ZBTB7C: variants seen among roughly 807,000 people sequenced by gnomAD.
ZBTB7C encodes zinc finger and BTB domain containing 7C, also known as zinc finger and BTB domain-containing protein 7C.
A neutral mutation model predicts 25.7 loss-of-function variants in ZBTB7C; 8 were observed. The ratio of observed to expected loss-of-function variants is 0.31; its 90% CI spans 0.18 to 0.56. The LOEUF (loss-of-function observed/expected upper bound fraction) is 0.56. ZBTB7C is among the 20% of genes least tolerant of loss of function. ZBTB7C has a pLI of 0.91. For missense variants in ZBTB7C, 824 were observed against 855.2 expected (o/e 0.96, Z 0.46); for synonymous variants, 394 against 369.0 (o/e 1.07, Z -0.78).
chr18:48,405,242 T>A (rs1288621975), intron 1 of ZBTB7C, among the ~76,000 whole-genome samples: 1 of 151,398 alleles, frequency 6.6e-6, no homozygotes, highest in African/African-American at 2.4e-5. Flanking sequence ...GTTTGAGGAG[T>A]GGGTGGGTTA....
chr18:48,029,359 G>T lies in ZBTB7C; in HGVS notation c.1761C>A (p.Pro587=). The T allele has an allele frequency of 6.5e-7, 1 of 1,545,534 alleles. No homozygotes were observed. Among genetic ancestry groups the T allele is most frequent in the Non-Finnish European group, 8.7e-7 (1 of 1,149,998 alleles). ...ALAENVAAAR[P]YFPLPDPWAA... ...CCCAAGGGTCGGGCAGCGGGAAGTA[G>T]GGCCGCGCCGCCGCCACGTTCTCGG... Residue 587 remains proline, a synonymous_variant, in exon 5 of 5, where the codon CCC becomes CCA. Coordinates refer to ENST00000590800, the MANE Select transcript of ZBTB7C (RefSeq NM_001318841.2).
intron 3 of ZBTB7C, among the ~76,000 whole-genome samples, chr18:48,092,450 T>G (rs2038455132): frequency 6.6e-6 from 1 of 152,190 alleles, no homozygotes; most frequent in Non-Finnish European, 1.5e-5. Flanking sequence ...GAAAGCAAGT[T>G]GAAGTTTTCA....
chr18:48,284,272 T>A (rs144477885), intron 2 of ZBTB7C, among the ~76,000 whole-genome samples: 39 of 152,122 alleles, frequency 2.6e-4, no homozygotes, highest in Non-Finnish European at 4.6e-4. Context: ...ATAGATCTTG[T>A]CTCTACAAAA....
At chr18:48,102,573 A>G (rs2038870722) in intron 3 of ZBTB7C, among the ~76,000 whole-genome samples, 1 of 151,738 alleles carries the variant, frequency 6.6e-6, no homozygotes, top group South Asian at 2.1e-4. Context: ...TCAAAAAAAA[A>G]AAAAAAAAAA....
At chr18:48,111,766 C>T (rs557096400) in intron 3 of ZBTB7C, among the ~76,000 whole-genome samples, 1 of 152,256 alleles carries the variant, frequency 6.6e-6, no homozygotes, top group Admixed American at 6.5e-5. Context: ...ACCAAAACAT[C>T]TATATATCTT....
chr18:48,189,319 A>G (rs896462510), intron 2 of ZBTB7C, among the ~76,000 whole-genome samples: 1 of 152,222 alleles, frequency 6.6e-6, no homozygotes, highest in African/African-American at 2.4e-5. Context: ...AGCTTCTCCA[A>G]GTGAGAGTGA....
At chr18:48,241,384 CA>C (rs1484146201) in intron 2 of ZBTB7C, among the ~76,000 whole-genome samples, 1 of 152,130 alleles carries the variant, frequency 6.6e-6, no homozygotes, top group African/African-American at 2.4e-5. Context: ...ACGCTCTACC[CA>C]ACAACTGCAG....
At chr18:48,044,879 A>G (rs1478544955) in intron 3 of ZBTB7C, among the ~76,000 whole-genome samples, 1 of 152,242 alleles carries the variant, frequency 6.6e-6, no homozygotes. Flanking sequence ...TCCTATTGTT[A>G]CCATCGTTCC....
chr18:48,161,664 C>T (rs1446998371), intron 3 of ZBTB7C, among the ~76,000 whole-genome samples: 1 of 150,608 alleles, frequency 6.6e-6, no homozygotes, highest in Non-Finnish European at 1.5e-5. Flanking sequence ...CTGCCCGCAG[C>T]CCCCTTCCTG....
intron 3 of ZBTB7C, among the ~76,000 whole-genome samples, chr18:48,125,771 AGGGCAGGAACCCTGCCT>A (rs1458918245): frequency 6.6e-6 from 1 of 152,200 alleles, no homozygotes; most frequent in Non-Finnish European, 1.5e-5. Flanking sequence ...AAGGTGATCC[AGGGCAGGAACCCTGCCT>A]GGGCAGCCCC....
At chr18:48,121,397 CTCT>C (rs1046926694) in intron 3 of ZBTB7C, among the ~76,000 whole-genome samples, 27 of 93,338 alleles carry the variant, frequency 2.9e-4, no homozygotes, top group Admixed American at 7.3e-4. Flanking sequence ...TGGCTTAATA[CTCT>C]TTTTTTTTTT....
chr18:48,246,359 G>A (rs1355727622), intron 2 of ZBTB7C, among the ~76,000 whole-genome samples: 1 of 151,944 alleles, frequency 6.6e-6, no homozygotes, highest in Admixed American at 6.5e-5. Context: ...GGACCCGGGA[G>A]GCGGAGCTTG....
intron 1 of ZBTB7C, among the ~76,000 whole-genome samples, chr18:48,386,287 G>C (rs891038805): frequency 6.6e-6 from 1 of 152,226 alleles, no homozygotes; most frequent in African/African-American, 2.4e-5. Context: ...GCTAGATGCT[G>C]AAAGGCAGAA....
intron 2 of ZBTB7C, among the ~76,000 whole-genome samples, chr18:48,233,888 C>A (rs1258389334): frequency 1.3e-5 from 2 of 152,156 alleles, no homozygotes; most frequent in Non-Finnish European, 2.9e-5. Context: ...ACCTTGCCAC[C>A]TCAGAGCCTC....
At chr18:48,380,724 A>T (rs2047616954) in intron 1 of ZBTB7C, among the ~76,000 whole-genome samples, 1 of 152,192 alleles carries the variant, frequency 6.6e-6, no homozygotes, top group Non-Finnish European at 1.5e-5. Context: ...CAAGAAAAAC[A>T]TTAAGGGAAA....
At chr18:48,217,694 G>A (rs985143383) in intron 2 of ZBTB7C, among the ~76,000 whole-genome samples, 3 of 149,986 alleles carry the variant, frequency 2.0e-5, no homozygotes, top group Non-Finnish European at 2.9e-5. Context: ...CATCCATCAC[G>A]GCACTAACCC....
rs749272540 is a variant in ZBTB7C at position 48,207,628 on chromosome 18, A to C, written c.-78-21633T>G. Among the ~76,000 whole-genome samples the C allele has an allele frequency of 5.4e-3, 603 of 111,844 alleles. 2 individuals are homozygous for C. Among genetic ancestry groups the C allele is most frequent in the Non-Finnish European group, 0.011 (459 of 43,452 alleles). 73.4% of individuals were successfully genotyped at this position (111,844 alleles called of 152,430 possible). On this transcript the variant is annotated intron_variant, in intron 2 of 4. Coordinates refer to ENST00000590800, the MANE Select transcript of ZBTB7C (RefSeq NM_001318841.2). ...ATCTATCTATCTATCCATCTAAAAT[A>C]TATTCTATAGAGACTGGATTTCCCT... is the stretch of plus-strand genomic sequence containing the variant.
rs979263706 is a variant in ZBTB7C at position 48,357,595 on chromosome 18, G to A, written c.-303-19197C>T. 3.9e-5 allele frequency among the ~76,000 whole-genome samples: 6 copies of A among 152,296 alleles called. No homozygotes were observed. In the South Asian group the frequency reaches 6.2e-4, roughly 16 times the overall value. On this transcript the variant is annotated intron_variant, in intron 1 of 4. Transcript: ENST00000590800. ...TTTGCCTTTCCCCAGCAGCACAGTC[G>A]GTGACTGCCAAGGTGAGGAGCTTTG...
At position 48,089,826 on chromosome 18, in the gene ZBTB7C, T is replaced by C. The variant is rs150612763; in HGVS notation, c.-16-48703A>G. ...AAACAAACAAACAAACTGGCTGCTGTGGCTTAATTAATCAGACTCTGGAGA... is the reference window on the plus strand; with the variant it reads ...AAACAAACAAACAAACTGGCTGCTGCGGCTTAATTAATCAGACTCTGGAGA... On this transcript the variant is annotated intron_variant, in intron 3 of 4. Coordinates refer to ENST00000590800, the MANE Select transcript of ZBTB7C (RefSeq NM_001318841.2). Among the ~76,000 whole-genome samples, 5 of 152,348 alleles carry C rather than the reference T, an allele frequency of 3.3e-5. No homozygotes were observed. The East Asian group carries it at 9.7e-4, about 29-fold the overall frequency.
Sources: allele counts gnomAD v4.1 joint callset (sites outside exome capture counted in the v4.1 genomes callset), GRCh38; gene constraint gnomAD v4.1.1; transcripts MANE v1.5; gene names NCBI Gene and HGNC (gene_info 2026-07-23, HGNC 2026-07-21).